Variants in HYAL3 observed in about 807,000 individuals in gnomAD.
HYAL3 encodes the protein hyaluronidase 3, also known as hyaluronidase-3.
A neutral mutation model predicts 29.6 loss-of-function variants in HYAL3; 25 were observed. That is an observed-to-expected ratio of 0.85 (90% CI 0.62 to 1.18). The LOEUF is 1.18. HYAL3 is among the 50% of genes most tolerant of loss of function. The pLI, the probability that HYAL3 is intolerant of heterozygous loss-of-function variation, is 0.00. For missense variants in HYAL3, 442 were observed against 548.4 expected, an observed-to-expected ratio of 0.81 and a Z score of 1.94; for synonymous variants, 215 against 218.3, an observed-to-expected ratio of 0.99 and a Z score of 0.13.
In HYAL3 at chr3:50,295,198, C is replaced by T. The variant is rs782182452; in HGVS notation, c.405G>A (p.Trp135Ter). Residue 135 changes from tryptophan to a stop codon, truncating the protein, a stop_gained, in exon 2 of 4, where the codon TGG (tryptophan) becomes TGA (stop). Coordinates refer to ENST00000336307, the MANE Select transcript of HYAL3 (RefSeq NM_003549.4). LOFTEE classifies it high-confidence loss of function. ...CTCGGCGGCGGCCCCAGTTCCCAGC[C>T]CAGAGTGGACACCACTCCTCCCAAT... ...VLDWEEWCPLWAGNWGRRRAY... is the reference protein window; with the variant it reads ...VLDWEEWCPL The T allele has an allele frequency of 5.8e-5, 93 of 1,613,352 alleles. No individual in the cohort carries two copies. The highest frequency in any genetic ancestry group is 1.3e-4 in the Admixed American group (8 of 60,012).
chr3:50,292,879 A>G lies in HYAL3; in HGVS notation c.*367T>C. The G allele has an allele frequency of 6.7e-7, 1 of 1,490,648 alleles. No individual in the cohort carries two copies. The highest frequency in any genetic ancestry group is 9.0e-7 in the Non-Finnish European group (1 of 1,111,432). 92.3% of individuals were successfully genotyped at this position (1,490,648 alleles called of 1,614,324 possible). ...GATGAAAGAGTGCAGACAACAGCTT[A>G]GCACTTTACCGACCTTCGCCAAGAT... On this transcript the variant is annotated 3_prime_UTR_variant, in exon 4 of 4. Coordinates refer to ENST00000336307, the MANE Select transcript of HYAL3 (RefSeq NM_003549.4).
intron 1 of HYAL3, 88 bp from the exon 2 acceptor site, chr3:50,295,707 G>C: frequency 8.6e-7 from 1 of 1,156,796 alleles, no homozygotes; most frequent in Non-Finnish European, 1.2e-6. Flanking sequence ...AGCTCCCCCA[G>C]CTCCTCCCCA....
In HYAL3 at chr3:50,297,446, A is replaced by G; in HGVS notation, c.-18+1767T>C. Reference sequence around the variant, plus strand: ...CCAGAGTCAGCTCAGCTGGGCTGGTACTCAGGATCAGCTCCATCCGGTGTG... The same window carrying G: ...CCAGAGTCAGCTCAGCTGGGCTGGTGCTCAGGATCAGCTCCATCCGGTGTG... On this transcript the variant is annotated intron_variant, in intron 1 of 3. Transcript: ENST00000336307. This position sits in a 1 kb window ranked among gnomAD's most constrained non-coding sequence, Gnocchi z 4.3. 6.2e-7 allele frequency: 1 copy of G among 1,608,300 alleles called. No homozygotes were observed. The highest frequency in any genetic ancestry group is 1.1e-5 in the South Asian group (1 of 90,044).
chr3:50,295,744 A>G, intron 1 of HYAL3, 125 bp from the exon 2 acceptor site: 1 of 776,696 alleles, frequency 1.3e-6, no homozygotes. Context: ...TGGGGAAAGC[A>G]TGTTTCCCCA....
Position 50,297,439 on chromosome 3 carries a change from G to C in HYAL3, c.-18+1774C>G, listed in dbSNP as rs782111332. The C allele has an allele frequency of 2.5e-6, 4 of 1,610,680 alleles. No homozygotes were observed. In the Admixed American group the frequency reaches 6.7e-5, roughly 27 times the overall value. Reference sequence around the variant, plus strand: ...GCAGGATCCAGAGTCAGCTCAGCTGGGCTGGTACTCAGGATCAGCTCCATC... The same window carrying C: ...GCAGGATCCAGAGTCAGCTCAGCTGCGCTGGTACTCAGGATCAGCTCCATC... On this transcript the variant is annotated intron_variant, in intron 1 of 3. Transcript: ENST00000336307. This position sits in a 1 kb window ranked among gnomAD's most constrained non-coding sequence, Gnocchi z 4.3.
rs1178806699 is a variant in HYAL3 at position 50,298,031 on chromosome 3, G to A, written c.-18+1182C>T. On this transcript the variant is annotated intron_variant, in intron 1 of 3. Coordinates refer to ENST00000336307, the MANE Select transcript of HYAL3 (RefSeq NM_003549.4). ...TAACCACCAGGTCTATAAAACAGCC[G>A]ACCCAATCTACTTGCTGGCCTTCTG... The A allele has an allele frequency of 5.1e-6, 5 of 985,766 alleles. No individual in the cohort carries two copies. In the Admixed American group the frequency reaches 1.8e-4, roughly 36 times the overall value. The allele number at this position is 985,766 out of a possible 1,614,324, so 61.1% of individuals were successfully genotyped here.
chr3:50,294,991 G>C lies in HYAL3; in HGVS notation c.612C>G (p.Ala204=), dbSNP rs782083172. ...HGLWGFYHYP[A]CGNGWHSMAS... is the part of the protein sequence containing the mutation. The stretch of plus-strand genomic sequence containing the variant: ...CCATACTATGCCAGCCATTGCCACA[G>C]GCTGGGTAGTGATAGAAGCCCCAGA... Residue 204 remains alanine (A), a synonymous_variant, in exon 2 of 4, where the codon GCC becomes GCG. Transcript: ENST00000336307. 1.9e-6 allele frequency: 3 copies of C among 1,613,326 alleles called. No individual in the cohort carries two copies. Among genetic ancestry groups the C allele is most frequent in the Non-Finnish European group, 2.5e-6 (3 of 1,179,902 alleles).
rs587610803 is a variant in HYAL3 at position 50,297,417 on chromosome 3, G to A, written c.-18+1796C>T. The stretch of plus-strand genomic sequence containing the variant: ...CAGGGGCAGCTTTGGCTGGCACGCA[G>A]GATCCAGAGTCAGCTCAGCTGGGCT... On this transcript the variant is annotated intron_variant, in intron 1 of 3. Coordinates refer to ENST00000336307, the MANE Select transcript of HYAL3 (RefSeq NM_003549.4). The surrounding 1 kb of genome is among the most constrained non-coding windows in gnomAD (Gnocchi z 4.3). 2.9e-5 allele frequency: 47 copies of A among 1,613,224 alleles called. No homozygotes were observed. In the East Asian group the frequency reaches 7.6e-4, roughly 26 times the overall value.
intron 1 of HYAL3, chr3:50,298,091 A>C: frequency 1.0e-6 from 1 of 985,350 alleles, no homozygotes; most frequent in Non-Finnish European, 1.2e-6. Flanking sequence ...CCACTAGGGC[A>C]TGGGATAGAA....
Position 50,297,571 on chromosome 3 carries a change from A to G in HYAL3, c.-18+1642T>C, listed in dbSNP as rs1701905743. On this transcript the variant is annotated intron_variant, in intron 1 of 3. Transcript: ENST00000336307. This position sits in a 1 kb window ranked among gnomAD's most constrained non-coding sequence, Gnocchi z 4.3. ...TTCAGCTGAGTCAGGCTGGGAGCCA[A>G]GGTCACCTGCTGCTAGGTTGCAGGT... The G allele has an allele frequency of 1.3e-6, 2 of 1,496,030 alleles. No homozygotes were observed. Among genetic ancestry groups the G allele is most frequent in the Non-Finnish European group, 1.8e-6 (2 of 1,123,412 alleles). 92.7% of individuals were successfully genotyped at this position (1,496,030 alleles called of 1,614,324 possible). A position where few individuals can be genotyped will look rare whatever the true frequency, so the allele number is the denominator to read the frequency against.
Position 50,292,873 on chromosome 3 carries a change from C to T in HYAL3, c.*373G>A, listed in dbSNP as rs781901123. 2.0e-6 allele frequency: 3 copies of T among 1,490,256 alleles called. No individual in the cohort carries two copies. Among genetic ancestry groups the T allele is most frequent in the Admixed American group, 1.8e-5 (1 of 56,546 alleles). 92.3% of individuals were successfully genotyped at this position (1,490,256 alleles called of 1,614,324 possible). ...CTTTATGATGAAAGAGTGCAGACAA[C>T]AGCTTAGCACTTTACCGACCTTCGC... On this transcript the variant is annotated 3_prime_UTR_variant, in exon 4 of 4. Coordinates refer to ENST00000336307, the MANE Select transcript of HYAL3 (RefSeq NM_003549.4).
At chr3:50,298,510 T>TA (rs1276373984) in intron 1 of HYAL3, among the ~76,000 whole-genome samples, 2 of 151,290 alleles carry the variant, frequency 1.3e-5, no homozygotes, top group African/African-American at 4.9e-5. Context: ...GCACCCTAGA[T>TA]AAGGACCACA....
rs1228467241 is a variant in HYAL3, at chr3:50,292,837, G to GA, written c.*408dup. 2.7e-6 allele frequency: 4 copies of GA among 1,501,978 alleles called. No homozygotes were observed. Among genetic ancestry groups the GA allele is most frequent in the African/African-American group, 1.4e-5 (1 of 72,854 alleles). The allele number at this position is 1,501,978 out of a possible 1,614,324, so 93.0% of individuals were successfully genotyped here. A position where few individuals can be genotyped will look rare whatever the true frequency, so the allele number is the denominator to read the frequency against. On this transcript the variant is annotated 3_prime_UTR_variant, in exon 4 of 4. Coordinates refer to ENST00000336307, the MANE Select transcript of HYAL3 (RefSeq NM_003549.4). ...AGCAACAGCCAAACCTCAGGCAGTG[G>GA]AAAAAAGTGACTTTATGATGAAAGA...
chr3:50,294,340 C>T (rs1274178792), intron 2 of HYAL3, among the ~76,000 whole-genome samples: 2 of 152,196 alleles, frequency 1.3e-5, no homozygotes, highest in South Asian at 2.1e-4. Flanking sequence ...ACTATGTTGC[C>T]CAGGCTGGTC....
chr3:50,295,339 GC>G lies in HYAL3; in HGVS notation c.263del (p.Gly88AlafsTer29). On this transcript the variant is annotated frameshift_variant, in exon 2 of 4. Coordinates refer to ENST00000336307, the MANE Select transcript of HYAL3 (RefSeq NM_003549.4). LOFTEE classifies it high-confidence loss of function. ...LGLYPYFGPR[G>X]TAHNGGIPQA... Reference sequence around the variant, plus strand: ...GGGGGATGCCCCCATTGTGAGCTGTGCCCCTGGGTCCAAAGTAGGGATAGAG... The same window carrying G: ...GGGGGATGCCCCCATTGTGAGCTGTGCCCTGGGTCCAAAGTAGGGATAGAG... 6.2e-7 allele frequency: 1 copy of G among 1,614,164 alleles called. No homozygotes were observed.
chr3:50,295,788 G>T, intron 1 of HYAL3, 169 bp from the exon 2 acceptor site: 1 of 437,476 alleles, frequency 2.3e-6, no homozygotes, highest in Non-Finnish European at 4.0e-6. Flanking sequence ...CAGCCACACC[G>T]CAAGCTGGCT....
At chr3:50,296,510 G>T in intron 1 of HYAL3, 1 of 1,425,234 alleles carries the variant, frequency 7.0e-7, no homozygotes, top group Non-Finnish European at 9.6e-7. Flanking sequence ...CCCCCCAGGG[G>T]CTAGGGGCTG....
rs1701886664 is a variant in HYAL3, at chr3:50,297,192, A to AGGC, written c.-17-1576_-17-1574dup. On this transcript the variant is annotated intron_variant, in intron 1 of 3. Transcript: ENST00000336307. This position sits in a 1 kb window ranked among gnomAD's most constrained non-coding sequence, Gnocchi z 4.3. ...ATCTGAGGACTGGCCCAGGGAGTGC[A>AGGC]GGCGGGAGGTGCGGCTGCGGGGCCA... 2 of 1,612,304 alleles carry AGGC rather than the reference A, an allele frequency of 1.2e-6. No individual in the cohort carries two copies. The highest frequency in any genetic ancestry group is 8.5e-7 in the Non-Finnish European group (1 of 1,179,070).
chr3:50,297,070 G>C lies in HYAL3; in HGVS notation c.-17-1451C>G. On this transcript the variant is annotated intron_variant, in intron 1 of 3. Transcript: ENST00000336307. This position sits in a 1 kb window ranked among gnomAD's most constrained non-coding sequence, Gnocchi z 4.3. The stretch of plus-strand genomic sequence containing the variant: ...GTCTCCACTAAGAGGCTCTGGGGCT[G>C]GTTCAGCACCCGTGACAGGCGGGCA... The C allele has an allele frequency of 6.5e-7, 1 of 1,535,360 alleles. No homozygotes were observed. The highest frequency in any genetic ancestry group is 8.8e-7 in the Non-Finnish European group (1 of 1,142,454).
Sources: gnomAD v4.1 joint callset for allele counts (sites outside exome capture counted in the v4.1 genomes callset) on GRCh38, gnomAD v4.1.1 for gene constraint, Gnocchi (gnomAD v3.1) non-coding constraint, MANE v1.5 for transcripts, NCBI Gene and HGNC (gene_info 2026-07-23, HGNC 2026-07-21) for gene names.